GHR: variants seen among roughly 807,000 people sequenced by gnomAD.
The protein encoded by GHR is growth hormone receptor.
Under a neutral mutation model 67.1 loss-of-function variants are expected in GHR, and 35 were observed. The ratio of observed to expected loss-of-function variants is 0.52; its 90% CI spans 0.40 to 0.69. The LOEUF (loss-of-function observed/expected upper bound fraction) is 0.69, where lower values mean the gene tolerates loss of function less well. Among genes scored for constraint, GHR ranks in the 30% least tolerant of loss-of-function variants. The pLI, the probability that GHR is intolerant of heterozygous loss-of-function variation, is 0.00. For synonymous variants in GHR, 272 were observed against 269.1 expected, an observed-to-expected ratio of 1.01 and a Z score of -0.10; for missense variants, 792 against 764.6, an observed-to-expected ratio of 1.04 and a Z score of -0.42.
intron 7 of GHR, among the ~76,000 whole-genome samples, chr5:42,712,385 A>G (rs971343363): frequency 2.6e-5 from 4 of 152,108 alleles, no homozygotes; most frequent in Admixed American, 6.5e-5. Context: ...TTCACTTAAC[A>G]TATATTTTTT....
intron 1 of GHR, among the ~76,000 whole-genome samples, chr5:42,534,935 C>T (rs1238922642): frequency 6.6e-6 from 1 of 151,824 alleles, no homozygotes; most frequent in Non-Finnish European, 1.5e-5. Context: ...CATTTTTTCA[C>T]ATATTTCTTG....
intron 1 of GHR, among the ~76,000 whole-genome samples, chr5:42,473,012 A>G (rs6451620): frequency 0.94 from 142,426 of 152,280 alleles, 66,988 homozygotes; most frequent in African/African-American, 0.98. Context: ...AGAAGCAGTT[A>G]AGTCTAAGAA....
At position 42,532,348 on chromosome 5, in the gene GHR, T is replaced by TGATAGATAGATA. The variant is rs35216564; in HGVS notation, c.-11-33500_-11-33489dup. On this transcript the variant is annotated intron_variant, in intron 1 of 9. Coordinates refer to ENST00000230882, the MANE Select transcript of GHR (RefSeq NM_000163.5). ...TAGATTTGGAGGTCTTTGATATAGATGATAGATAGATAGATAGATAGATAG... is the reference window on the plus strand; with the variant it reads ...TAGATTTGGAGGTCTTTGATATAGATGATAGATAGATAGATAGATAGATAGATAGATAGATAG... Among the ~76,000 whole-genome samples the TGATAGATAGATA allele has an allele frequency of 9.7e-3, 1,465 of 151,318 alleles. 30 individuals carry two copies. Among genetic ancestry groups the TGATAGATAGATA allele is most frequent in the African/African-American group, 0.033 (1,370 of 41,098 alleles).
chr5:42,426,524 A>T (rs1248240568), intron 1 of GHR, among the ~76,000 whole-genome samples: 1 of 152,256 alleles, frequency 6.6e-6, no homozygotes, highest in African/African-American at 2.4e-5. Context: ...TTTAAAAAGT[A>T]TGTCAGTAAT....
At chr5:42,481,955 C>A (rs575107715) in intron 1 of GHR, among the ~76,000 whole-genome samples, 182 of 152,026 alleles carry the variant, frequency 1.2e-3, no homozygotes, top group African/African-American at 4.2e-3. Flanking sequence ...GGAGGAGAGG[C>A]ACTCTGATTT....
chr5:42,514,587 G>C (rs1206709087), intron 1 of GHR, among the ~76,000 whole-genome samples: 2 of 152,170 alleles, frequency 1.3e-5, no homozygotes, highest in Non-Finnish European at 2.9e-5. Context: ...AATTGGGGCA[G>C]GGCCTAAGAA....
At chr5:42,689,473 A>T (rs1427677212) in intron 4 of GHR, among the ~76,000 whole-genome samples, 1 of 152,088 alleles carries the variant, frequency 6.6e-6, no homozygotes, top group Non-Finnish European at 1.5e-5. Flanking sequence ...TGTGTGTAAA[A>T]GGCTTGAATG....
At chr5:42,677,248 A>G (rs1055274399) in intron 3 of GHR, among the ~76,000 whole-genome samples, 2 of 152,102 alleles carry the variant, frequency 1.3e-5, no homozygotes, top group Admixed American at 6.5e-5. Flanking sequence ...CCAATATATC[A>G]ATAAAGCTTT....
At chr5:42,475,514 T>TC (rs1406827630) in intron 1 of GHR, among the ~76,000 whole-genome samples, 2 of 152,098 alleles carry the variant, frequency 1.3e-5, no homozygotes, top group Non-Finnish European at 2.9e-5. Flanking sequence ...AATTCAACTT[T>TC]CCCTCCTTTC....
intron 3 of GHR, among the ~76,000 whole-genome samples, chr5:42,659,049 C>T (rs1755418119): frequency 6.6e-6 from 1 of 152,064 alleles, no homozygotes; most frequent in South Asian, 2.1e-4. Flanking sequence ...TGGAGGTCAA[C>T]AAATGAAGGC....
chr5:42,468,370 A>C, intron 1 of GHR: 1 of 1,358,754 alleles, frequency 7.4e-7, no homozygotes, highest in South Asian at 1.4e-5. Context: ...GCTGCCCAGC[A>C]CAGGTCAAAC....
chr5:42,467,377 C>T (rs1375459212), intron 1 of GHR: 8 of 957,394 alleles, frequency 8.4e-6, no homozygotes, highest in Non-Finnish European at 1.4e-5. Flanking sequence ...AGAATCGTTA[C>T]AGGCAGAGGG....
chr5:42,430,607 C>CATGT (rs1554050623), intron 1 of GHR, among the ~76,000 whole-genome samples: 2 of 147,408 alleles, frequency 1.4e-5, no homozygotes, highest in East Asian at 2.0e-4. Flanking sequence ...ATGCTAGTCC[C>CATGT]GTGTGTGTGT....
At chr5:42,550,194 G>A (rs1449005767) in intron 1 of GHR, 2 of 456,174 alleles carry the variant, frequency 4.4e-6, no homozygotes, top group Non-Finnish European at 5.8e-6. Context: ...TACTGAAAAA[G>A]CCCATTGGAC....
At chr5:42,472,402 A>G (rs978963648) in intron 1 of GHR, among the ~76,000 whole-genome samples, 10 of 152,232 alleles carry the variant, frequency 6.6e-5, no homozygotes, top group African/African-American at 2.4e-4. Flanking sequence ...TATATATACA[A>G]ATAGTCATAG....
rs116243898 is a variant in GHR at position 42,460,174 on chromosome 5, C to G, written c.-12+36219C>G. Among the ~76,000 whole-genome samples, 1,264 of 152,292 alleles carry G rather than the reference C, an allele frequency of 8.3e-3. 16 individuals are homozygous for G. The highest frequency in any genetic ancestry group is 0.029 in the African/African-American group (1,196 of 41,558). On this transcript the variant is annotated intron_variant, in intron 1 of 9. Transcript: ENST00000230882. Reference sequence around the variant, plus strand: ...CCATCTGCAAGCTCAGAAGAGAGCCCTCACCAGGAACTTAAGTGTCTGGCA... The same window carrying G: ...CCATCTGCAAGCTCAGAAGAGAGCCGTCACCAGGAACTTAAGTGTCTGGCA...
intron 1 of GHR, among the ~76,000 whole-genome samples, chr5:42,498,913 A>G (rs72753097): frequency 0.067 from 10,270 of 152,236 alleles, 416 homozygotes; most frequent in African/African-American, 0.097. Context: ...GTACCTGAGA[A>G]AATTGACAAT....
intron 3 of GHR, among the ~76,000 whole-genome samples, chr5:42,679,121 T>G (rs1323424695): frequency 1.4e-5 from 2 of 139,924 alleles, no homozygotes; most frequent in African/African-American, 5.1e-5. Flanking sequence ...TTATAATATA[T>G]TATATATTAA....
At chr5:42,649,055 G>A (rs1175812313) in intron 3 of GHR, among the ~76,000 whole-genome samples, 1 of 152,064 alleles carries the variant, frequency 6.6e-6, no homozygotes, top group African/African-American at 2.4e-5. Flanking sequence ...CTCAAATGAG[G>A]AGCCACCTCA....
Sources: allele counts gnomAD v4.1 joint callset (sites outside exome capture counted in the v4.1 genomes callset), GRCh38; gene constraint gnomAD v4.1.1; transcripts MANE v1.5; gene names NCBI Gene and HGNC (gene_info 2026-07-23, HGNC 2026-07-21).